The following GALNT7 variants were observed in gnomAD, a reference collection of about 807,000 sequenced individuals.
GALNT7 encodes polypeptide N-acetylgalactosaminyltransferase 7.
Under a neutral mutation model 82.1 loss-of-function variants are expected in GALNT7, and 60 were observed. That is an observed-to-expected ratio of 0.73 (90% CI 0.59 to 0.91). The LOEUF (loss-of-function observed/expected upper bound fraction) is 0.91. Among genes scored for constraint, GALNT7 ranks in the 40% least tolerant of loss-of-function variants. The pLI is 0.00. For synonymous variants in GALNT7, 243 were observed against 275.1 expected (o/e 0.88, Z 1.15); for missense variants, 660 against 804.2 (o/e 0.82, Z 2.17).
chr4:173,256,931 G>A (rs1048957352), intron 2 of GALNT7, among the ~76,000 whole-genome samples: 1 of 152,118 alleles, frequency 6.6e-6, no homozygotes, highest in Admixed American at 6.6e-5. Flanking sequence ...AAAAATAGAC[G>A]ACTCTCAATA....
intron 1 of GALNT7, among the ~76,000 whole-genome samples, chr4:173,216,727 A>ATATATATATATATATATATATATATTTTT (rs71244915): frequency 7.7e-5 from 1 of 12,980 alleles, no homozygotes; most frequent in African/African-American, 2.8e-4. Context: ...ATATATATAT[A>ATATATATATATATATATATATATATTTTT]TTTTTTTTTT....
rs1735106806 is a variant in GALNT7 at position 173,257,964 on chromosome 4, G to A, written c.587+9524G>A. Among the ~76,000 whole-genome samples, 7 of 152,212 alleles carry A rather than the reference G, an allele frequency of 4.6e-5. No individual in the cohort carries two copies. In the South Asian group the frequency reaches 1.4e-3, roughly 32 times the overall value. On this transcript the variant is annotated intron_variant, in intron 2 of 11. Coordinates refer to ENST00000265000, the MANE Select transcript of GALNT7 (RefSeq NM_017423.3). Reference sequence around the variant, plus strand: ...CTCCAGAGTCCACACGTGGTAAGCTGCAGGCCTGCTGGAGTGGGTCCCCAT... The same window carrying A: ...CTCCAGAGTCCACACGTGGTAAGCTACAGGCCTGCTGGAGTGGGTCCCCAT...
At chr4:173,281,353 C>T (rs1362836057) in intron 2 of GALNT7, among the ~76,000 whole-genome samples, 1 of 152,222 alleles carries the variant, frequency 6.6e-6, no homozygotes, top group Non-Finnish European at 1.5e-5. Context: ...GGGGACTTAT[C>T]TCCATTTTGG....
At chr4:173,245,215 C>CA (rs57506967) in intron 1 of GALNT7, among the ~76,000 whole-genome samples, 10 of 122,850 alleles carry the variant, frequency 8.1e-5, no homozygotes, top group African/African-American at 3.1e-4. Context: ...ACCATTAAGT[C>CA]AAAAAAAAAA....
At chr4:173,311,988 C>T (rs1473985561) in intron 8 of GALNT7, among the ~76,000 whole-genome samples, 1 of 152,132 alleles carries the variant, frequency 6.6e-6, no homozygotes, top group African/African-American at 2.4e-5. Flanking sequence ...CAGGCCAAAT[C>T]CAACCCTTTT....
chr4:173,323,801 C>T lies in GALNT7; in HGVS notation c.*2084C>T, dbSNP rs1431413881. ...GGTAATATCACTATGCATTTCTACACATTTTATAAATTTGATTTATGCAGA... is the reference window on the plus strand; with the variant it reads ...GGTAATATCACTATGCATTTCTACATATTTTATAAATTTGATTTATGCAGA... On this transcript the variant is annotated 3_prime_UTR_variant, in exon 12 of 12. Transcript: ENST00000265000. 6.6e-6 allele frequency: 1 copy of T among 152,556 alleles called. No individual in the cohort carries two copies. The highest frequency in any genetic ancestry group is 1.5e-5 in the Non-Finnish European group (1 of 68,002). 9.5% of individuals were successfully genotyped at this position (152,556 alleles called of 1,614,324 possible). A position where few individuals can be genotyped will look rare whatever the true frequency, so the allele number is the denominator to read the frequency against.
Position 173,214,385 on chromosome 4 carries a change from C to T in GALNT7, c.127-33595C>T, listed in dbSNP as rs566859214. On this transcript the variant is annotated intron_variant, in intron 1 of 11. Coordinates refer to ENST00000265000, the MANE Select transcript of GALNT7 (RefSeq NM_017423.3). ...AAGCTTTATTTTGAGGAGTCATTAA[C>T]TTGCAATTTGGCCCAGATCACTCTG... is the stretch of plus-strand genomic sequence containing the variant. 1.8e-4 allele frequency among the ~76,000 whole-genome samples: 27 copies of T among 152,018 alleles called. 1 individual carries two copies. The highest frequency in any genetic ancestry group is 6.3e-4 in the African/African-American group (26 of 41,460).
intron 3 of GALNT7, among the ~76,000 whole-genome samples, chr4:173,293,211 A>C (rs1488187698): frequency 6.6e-6 from 1 of 152,178 alleles, no homozygotes; most frequent in African/African-American, 2.4e-5. Flanking sequence ...TAGCATCCTA[A>C]AATAACTGCT....
At position 173,302,001 on chromosome 4, in the gene GALNT7, T is replaced by C. The variant is rs1328378970; in HGVS notation, c.1149-46T>C. Reference sequence around the variant, plus strand: ...CTTCTTGCCTATTGGTGAAGGGTTATTGGGGGTTTGTCTGTAATGGTTATT... The same window carrying C: ...CTTCTTGCCTATTGGTGAAGGGTTACTGGGGGTTTGTCTGTAATGGTTATT... On this transcript the variant is annotated intron_variant, in intron 6 of 11. Transcript: ENST00000265000. The surrounding 1 kb of genome is among the most constrained non-coding windows in gnomAD (Gnocchi z 4.2). 3.4e-6 allele frequency: 3 copies of C among 876,310 alleles called. No individual in the cohort carries two copies. Among genetic ancestry groups the C allele is most frequent in the African/African-American group, 1.7e-5 (1 of 60,068 alleles). 54.3% of individuals were successfully genotyped at this position (876,310 alleles called of 1,614,324 possible).
chr4:173,216,762 C>T (rs1420444689), intron 1 of GALNT7, among the ~76,000 whole-genome samples: 15 of 96,160 alleles, frequency 1.6e-4, no homozygotes, highest in African/African-American at 5.3e-4. Context: ...CGGAGTCTCA[C>T]TCTTGTCCCC....
At chr4:173,223,839 A>G (rs1174484970) in intron 1 of GALNT7, among the ~76,000 whole-genome samples, 2 of 152,170 alleles carry the variant, frequency 1.3e-5, no homozygotes, top group African/African-American at 2.4e-5. Flanking sequence ...ACCTATCTGT[A>G]TAAGTCTTGG....
chr4:173,257,435 A>AT (rs1415188810), intron 2 of GALNT7, among the ~76,000 whole-genome samples: 2 of 152,246 alleles, frequency 1.3e-5, no homozygotes, highest in Non-Finnish European at 2.9e-5. Context: ...CACTTGGTAT[A>AT]TCATAAATAG....
chr4:173,307,356 A>G (rs554247412), intron 8 of GALNT7, among the ~76,000 whole-genome samples: 2 of 152,332 alleles, frequency 1.3e-5, no homozygotes, highest in South Asian at 4.1e-4. Flanking sequence ...TCGCTACTGT[A>G]TTGATAACAG....
At chr4:173,256,220 A>G (rs1475827034) in intron 2 of GALNT7, among the ~76,000 whole-genome samples, 1 of 152,192 alleles carries the variant, frequency 6.6e-6, no homozygotes, top group African/African-American at 2.4e-5. Context: ...TAGCTGTCTG[A>G]AGAAGCTGCA....
chr4:173,239,126 C>A (rs1236948754), intron 1 of GALNT7, among the ~76,000 whole-genome samples: 1 of 152,158 alleles, frequency 6.6e-6, no homozygotes, highest in Non-Finnish European at 1.5e-5. Context: ...ATAAAGTACT[C>A]ATTTTCCTTG....
At chr4:173,204,731 T>C (rs1733035252) in intron 1 of GALNT7, among the ~76,000 whole-genome samples, 1 of 152,246 alleles carries the variant, frequency 6.6e-6, no homozygotes, top group Non-Finnish European at 1.5e-5. Context: ...CTTTATTGAA[T>C]TATTTCTCTG....
chr4:173,290,819 A>G (rs954886719), intron 2 of GALNT7, among the ~76,000 whole-genome samples: 15 of 152,310 alleles, frequency 9.8e-5, no homozygotes, highest in Admixed American at 7.8e-4. Context: ...GGAGATGGAA[A>G]CATTATACAA....
intron 1 of GALNT7, among the ~76,000 whole-genome samples, chr4:173,182,241 ATAAC>A (rs1286660464): frequency 1.3e-5 from 2 of 152,258 alleles, no homozygotes; most frequent in Non-Finnish European, 2.9e-5. Flanking sequence ...TGCAGAAAGA[ATAAC>A]TAAAAGGAAG....
At chr4:173,209,538 A>G (rs575121303) in intron 1 of GALNT7, among the ~76,000 whole-genome samples, 13 of 152,150 alleles carry the variant, frequency 8.5e-5, no homozygotes, top group Non-Finnish European at 1.6e-4. Context: ...AGCCAAAAGG[A>G]AAATTGTCAC....
Sources: gnomAD v4.1 joint callset for allele counts (sites outside exome capture counted in the v4.1 genomes callset) on GRCh38, gnomAD v4.1.1 for gene constraint, Gnocchi (gnomAD v3.1) non-coding constraint, MANE v1.5 for transcripts, NCBI Gene and HGNC (gene_info 2026-07-23, HGNC 2026-07-21) for gene names.